The following GRM7 variants were observed in gnomAD, a reference collection of about 807,000 sequenced individuals.
GRM7 encodes glutamate metabotropic receptor 7.
A neutral mutation model predicts 84.5 loss-of-function variants in GRM7; 35 were observed. That is an observed-to-expected ratio of 0.41 (90% confidence interval 0.32 to 0.55). GRM7 has a LOEUF of 0.55. Ranked by LOEUF, GRM7 falls within the 20% of genes least tolerant of loss-of-function variation. The probability of loss-of-function intolerance (pLI) is 0.19; values close to 1 mark genes in which losing one functional copy is unlikely to be tolerated. For synonymous variants in GRM7, 487 were observed against 455.1 expected (o/e 1.07, Z -0.89); for missense variants, 1,003 against 1,194.6 (o/e 0.84, Z 2.36).
intron 4 of GRM7, among the ~76,000 whole-genome samples, chr3:7,406,046 T>C (rs1241262904): frequency 6.6e-6 from 1 of 152,020 alleles, no homozygotes; most frequent in Non-Finnish European, 1.5e-5. Flanking sequence ...ACACATTTTT[T>C]TGGCTCCTAG....
chr3:7,053,881 T>C (rs545165647), intron 1 of GRM7, among the ~76,000 whole-genome samples: 2 of 151,492 alleles, frequency 1.3e-5, no homozygotes, highest in Non-Finnish European at 3.0e-5. Flanking sequence ...AAATCAGTTT[T>C]TTAATTTCTA....
intron 3 of GRM7, among the ~76,000 whole-genome samples, chr3:7,302,931 A>ATTT (rs761399796): frequency 0.014 from 1,655 of 121,588 alleles, 2 homozygotes; most frequent in African/African-American, 0.015. Context: ...TGATTGTTCT[A>ATTT]TTTTTTTTTT....
intron 4 of GRM7, among the ~76,000 whole-genome samples, chr3:7,331,237 A>C (rs917825617): frequency 5.9e-5 from 9 of 152,314 alleles, no homozygotes; most frequent in African/African-American, 2.2e-4. Context: ...AGGAGGCATG[A>C]AGGCTTATGG....
intron 1 of GRM7, among the ~76,000 whole-genome samples, chr3:6,951,430 A>G (rs1692758574): frequency 6.6e-6 from 1 of 152,144 alleles, no homozygotes; most frequent in South Asian, 2.1e-4. Flanking sequence ...AATGCTATAA[A>G]TTTCCCCTTA....
chr3:7,336,637 G>A (rs1410464089), intron 4 of GRM7, among the ~76,000 whole-genome samples: 4 of 151,886 alleles, frequency 2.6e-5, no homozygotes, highest in Non-Finnish European at 5.9e-5. Context: ...TGCATACCTA[G>A]AAAACCCTAA....
intron 8 of GRM7, among the ~76,000 whole-genome samples, chr3:7,586,145 C>T (rs895682398): frequency 1.3e-5 from 2 of 152,114 alleles, no homozygotes; most frequent in Admixed American, 6.5e-5. Context: ...ATTTAAATTG[C>T]TCAGCATACA....
intron 1 of GRM7, among the ~76,000 whole-genome samples, chr3:7,134,503 A>T (rs913199520): frequency 2.6e-5 from 4 of 152,094 alleles, no homozygotes; most frequent in African/African-American, 4.8e-5. Flanking sequence ...ATTTTATTTT[A>T]AAAAAAGTTC....
chr3:7,029,392 G>A (rs1313309574), intron 1 of GRM7, among the ~76,000 whole-genome samples: 1 of 151,844 alleles, frequency 6.6e-6, no homozygotes, highest in Non-Finnish European at 1.5e-5. Context: ...ATTGGCGGCA[G>A]GGACTCAAGC....
At chr3:7,550,247 C>T (rs1309180846) in intron 7 of GRM7, among the ~76,000 whole-genome samples, 2 of 151,134 alleles carry the variant, frequency 1.3e-5, no homozygotes, top group East Asian at 2.0e-4. Flanking sequence ...TAGCCACTTT[C>T]TCTCCTCCTC....
chr3:7,684,021 A>G (rs1700480767), intron 9 of GRM7, among the ~76,000 whole-genome samples: 3 of 152,218 alleles, frequency 2.0e-5, no homozygotes, highest in African/African-American at 7.2e-5. Context: ...ACTAATAGGG[A>G]AAAAGTAACA....
intron 8 of GRM7, among the ~76,000 whole-genome samples, chr3:7,621,488 A>G (rs886885510): frequency 7.2e-5 from 11 of 152,166 alleles, no homozygotes; most frequent in Non-Finnish European, 1.5e-4. Context: ...ATGCACCTGT[A>G]AAATGTGACT....
At chr3:6,876,704 C>T (rs763493169) in intron 1 of GRM7, among the ~76,000 whole-genome samples, 2 of 149,582 alleles carry the variant, frequency 1.3e-5, no homozygotes, top group East Asian at 4.0e-4. Flanking sequence ...TGGGTTCAGA[C>T]GATTCTCTTG....
At chr3:6,937,333 T>A (rs490775) in intron 1 of GRM7, among the ~76,000 whole-genome samples, 32,655 of 152,116 alleles carry the variant, frequency 0.21, 3,652 homozygotes, top group East Asian at 0.32. Flanking sequence ...TAGAAGCAAG[T>A]GCTTTGAGAA....
chr3:7,445,487 TGC>T (rs1697466797), intron 5 of GRM7, among the ~76,000 whole-genome samples: 1 of 152,184 alleles, frequency 6.6e-6, no homozygotes, highest in African/African-American at 2.4e-5. Flanking sequence ...TAACACGTGC[TGC>T]GGGTGGTGCT....
At chr3:7,548,926 C>T (rs886645954) in intron 7 of GRM7, among the ~76,000 whole-genome samples, 2 of 152,182 alleles carry the variant, frequency 1.3e-5, no homozygotes, top group Non-Finnish European at 2.9e-5. Flanking sequence ...TAGAACTCTG[C>T]AGGACTCAAT....
In GRM7 at chr3:7,677,272, A is replaced by AAC. The variant is rs1201197652; in HGVS notation, c.2452-2776_2452-2775insCA. Among the ~76,000 whole-genome samples, 247 of 118,532 alleles carry AAC rather than the reference A, an allele frequency of 2.1e-3. 1 individual carries two copies. Among genetic ancestry groups the AAC allele is most frequent in the Non-Finnish European group, 3.3e-3 (200 of 60,352 alleles). 77.8% of individuals were successfully genotyped at this position (118,532 alleles called of 152,430 possible). ...GGGAGACTCTGTCTTTAAAAAAAAA[A>AAC]AAAAAAAAAAAAAAAAAAAAAACTT... On this transcript the variant is annotated intron_variant, in intron 8 of 9. Transcript: ENST00000357716.
intron 1 of GRM7, among the ~76,000 whole-genome samples, chr3:6,992,611 C>G (rs1258328132): frequency 6.6e-6 from 1 of 152,154 alleles, no homozygotes; most frequent in Non-Finnish European, 1.5e-5. Flanking sequence ...AAGCTGTTAG[C>G]AACCTTGGGC....
At chr3:7,326,514 A>G (rs1339433032) in intron 4 of GRM7, among the ~76,000 whole-genome samples, 1 of 152,086 alleles carries the variant, frequency 6.6e-6, no homozygotes, top group Non-Finnish European at 1.5e-5. Flanking sequence ...GTATCAAGAG[A>G]AAGGAAAAGA....
chr3:7,726,823 T>C (rs980713211), intron 9 of GRM7, among the ~76,000 whole-genome samples: 1 of 151,010 alleles, frequency 6.6e-6, no homozygotes, highest in Non-Finnish European at 1.5e-5. Context: ...TATTATTTAC[T>C]ATAAAGTCAA....
Sources: gnomAD v4.1 joint callset for allele counts (sites outside exome capture counted in the v4.1 genomes callset) on GRCh38, gnomAD v4.1.1 for gene constraint, MANE v1.5 for transcripts, NCBI Gene and HGNC (gene_info 2026-07-23, HGNC 2026-07-21) for gene names.